Variants in BBOX1 observed in about 807,000 individuals in gnomAD.
BBOX1 encodes the protein gamma-butyrobetaine dioxygenase.
BBOX1 carries 35 observed loss-of-function variants against 41.6 expected under a neutral mutation model. The observed-to-expected ratio is 0.84, with a 90% CI of 0.64 to 1.11. The LOEUF is 1.11. Ranked by LOEUF, BBOX1 falls within the 50% of genes most tolerant of loss-of-function variation. BBOX1 has a pLI of 0.00. For missense variants in BBOX1, 458 were observed against 460.6 expected, an observed-to-expected ratio of 0.99 and a Z score of 0.05; for synonymous variants, 163 against 154.7, an observed-to-expected ratio of 1.05 and a Z score of -0.40.
At chr11:27,105,765 C>G (rs1278346196) in intron 5 of BBOX1, among the ~76,000 whole-genome samples, 1 of 152,038 alleles carries the variant, frequency 6.6e-6, no homozygotes, top group Non-Finnish European at 1.5e-5. Flanking sequence ...TCCTCGAGAA[C>G]AGCAGCTCCA....
At chr11:27,093,017 G>A (rs1858305083) in intron 4 of BBOX1, 151 bp from the exon 5 acceptor site, 1 of 766,738 alleles carries the variant, frequency 1.3e-6, no homozygotes, top group South Asian at 1.9e-5. Flanking sequence ...GAAAGGCCTA[G>A]TGACTTGGGC....
Position 27,093,174 on chromosome 11 carries a change from A to G in BBOX1, c.341A>G (p.Gln114Arg). Residue 114 changes from glutamine (Q) to arginine (R), a missense_variant, in exon 5 of 9, where the codon CAA (glutamine) becomes CGA (arginine). Physicochemically the swap from Gln to Arg is conservative, Grantham distance 43. Coordinates refer to ENST00000263182, the MANE Select transcript of BBOX1 (RefSeq NM_003986.3). ...LQRELFFPECQYWGSELQLPT... is the reference protein window; with the variant it reads ...LQRELFFPECRYWGSELQLPT... Reference sequence around the variant, plus strand: ...TCATTTTATCAATTCACAGAATGCCAATACTGGGGCTCAGAGCTCCAGCTA... The same window carrying G: ...TCATTTTATCAATTCACAGAATGCCGATACTGGGGCTCAGAGCTCCAGCTA... The G allele has an allele frequency of 6.2e-7, 1 of 1,611,956 alleles. No individual in the cohort carries two copies. Among genetic ancestry groups the G allele is most frequent in the Non-Finnish European group, 8.5e-7 (1 of 1,178,640 alleles).
chr11:27,076,743 C>G (rs931768495), intron 4 of BBOX1, among the ~76,000 whole-genome samples: 5 of 152,102 alleles, frequency 3.3e-5, no homozygotes, highest in Admixed American at 3.3e-4. Context: ...GCAGGGCAAG[C>G]AGCAGTTTTT....
At chr11:27,114,067 G>A (rs1195065230) in intron 5 of BBOX1, among the ~76,000 whole-genome samples, 1 of 151,834 alleles carries the variant, frequency 6.6e-6, no homozygotes, top group Non-Finnish European at 1.5e-5. Flanking sequence ...GTTGCAGGGT[G>A]CAAGATCAAA....
chr11:27,121,007 A>G (rs1341814471), intron 7 of BBOX1, among the ~76,000 whole-genome samples: 1 of 152,182 alleles, frequency 6.6e-6, no homozygotes, highest in Non-Finnish European at 1.5e-5. Context: ...AAAAATTATT[A>G]AATGCTTAAG....
At chr11:27,074,415 G>A (rs1857568449) in intron 4 of BBOX1, among the ~76,000 whole-genome samples, 1 of 152,104 alleles carries the variant, frequency 6.6e-6, no homozygotes, top group African/African-American at 2.4e-5. Context: ...ATGTGGGAAA[G>A]TTTGGAACTT....
chr11:27,105,420 C>T (rs1160543300), intron 5 of BBOX1, among the ~76,000 whole-genome samples: 1 of 152,252 alleles, frequency 6.6e-6, no homozygotes, highest in East Asian at 1.9e-4. Context: ...AGCTGAAAAC[C>T]ATGGCACGAG....
intron 7 of BBOX1, among the ~76,000 whole-genome samples, chr11:27,120,403 T>C (rs1045197932): frequency 2.0e-5 from 3 of 152,126 alleles, no homozygotes; most frequent in East Asian, 1.9e-4. Context: ...TCAATCATCA[T>C]GGCCAGTGGG....
chr11:27,120,891 A>T (rs1236813998), intron 7 of BBOX1, among the ~76,000 whole-genome samples: 1 of 152,174 alleles, frequency 6.6e-6, no homozygotes, highest in East Asian at 1.9e-4. Flanking sequence ...CTTGGAATAC[A>T]TCAGTGGACA....
intron 4 of BBOX1, among the ~76,000 whole-genome samples, chr11:27,058,939 A>C (rs190373394): frequency 6.6e-6 from 1 of 152,358 alleles, no homozygotes; most frequent in Non-Finnish European, 1.5e-5. Context: ...GAGGAAGTCA[A>C]GCAGACTGTG....
intron 4 of BBOX1, among the ~76,000 whole-genome samples, chr11:27,090,388 G>A (rs544018466): frequency 1.3e-5 from 2 of 151,908 alleles, no homozygotes; most frequent in African/African-American, 4.8e-5. Flanking sequence ...TTTTATTAAG[G>A]GTTTCAAAAA....
chr11:27,117,775 T>C (rs1253498796), intron 6 of BBOX1, among the ~76,000 whole-genome samples: 2 of 152,000 alleles, frequency 1.3e-5, no homozygotes, highest in Non-Finnish European at 2.9e-5. Context: ...CATAGCACAT[T>C]ATACTACTTC....
chr11:27,071,755 C>G (rs964719112), intron 4 of BBOX1, among the ~76,000 whole-genome samples: 3 of 151,982 alleles, frequency 2.0e-5, no homozygotes, highest in South Asian at 2.1e-4. Context: ...GGGATGCAAG[C>G]CTGGTTCAAC....
chr11:27,080,069 A>G (rs1471042983), intron 4 of BBOX1, among the ~76,000 whole-genome samples: 4 of 152,070 alleles, frequency 2.6e-5, no homozygotes, highest in Non-Finnish European at 4.4e-5. Context: ...CATTTTCCAT[A>G]TGGCAGCAAC....
chr11:27,125,973 A>G (rs1859636587), intron 8 of BBOX1, 153 bp downstream of exon 8: 2 of 718,602 alleles, frequency 2.8e-6, no homozygotes, highest in Non-Finnish European at 4.4e-6. Flanking sequence ...TATGTAGTGG[A>G]CTCGTGGCCC....
intron 7 of BBOX1, among the ~76,000 whole-genome samples, chr11:27,121,798 A>T (rs1256924757): frequency 1.3e-5 from 2 of 152,174 alleles, no homozygotes; most frequent in Non-Finnish European, 2.9e-5. Context: ...ATTCATGACA[A>T]ATCAAAATTT....
intron 6 of BBOX1, among the ~76,000 whole-genome samples, chr11:27,118,098 T>C (rs1308772962): frequency 6.6e-6 from 1 of 151,984 alleles, no homozygotes; most frequent in Non-Finnish European, 1.5e-5. Flanking sequence ...AAGAAAAAAG[T>C]TCTTTGTATT....
chr11:27,053,580 A>AG (rs1015859240), intron 2 of BBOX1, among the ~76,000 whole-genome samples: 23 of 152,156 alleles, frequency 1.5e-4, no homozygotes, highest in Admixed American at 1.4e-3. Flanking sequence ...AGTGTTATTT[A>AG]AGGATCTAGT....
chr11:27,103,309 T>C (rs150215401), intron 5 of BBOX1, among the ~76,000 whole-genome samples: 1 of 152,328 alleles, frequency 6.6e-6, no homozygotes, highest in East Asian at 1.9e-4. Context: ...TCTGGGAGGA[T>C]ATGATTTGTT....
Sources: gnomAD v4.1 joint callset for allele counts (sites outside exome capture counted in the v4.1 genomes callset) on GRCh38, gnomAD v4.1.1 for gene constraint, MANE v1.5 for transcripts, NCBI Gene and HGNC (gene_info 2026-07-23, HGNC 2026-07-21) for gene names.